Variants in MOV10 observed in about 807,000 individuals in gnomAD.
MOV10 encodes RNA helicase MOV-10.
Under a neutral mutation model 108.4 loss-of-function variants are expected in MOV10, and 39 were observed. The observed-to-expected ratio is 0.36, with a 90% CI of 0.28 to 0.47. MOV10 has a LOEUF of 0.47. Ranked by LOEUF, MOV10 falls within the 20% of genes least tolerant of loss-of-function variation. The probability of loss-of-function intolerance (pLI) is 1.00; values close to 1 mark genes in which losing one functional copy is unlikely to be tolerated. For missense variants in MOV10, 952 were observed against 1,297.6 expected (o/e 0.73, Z 4.09); for synonymous variants, 490 against 523.1 (o/e 0.94, Z 0.86).
At chr1:112,697,843 G>A in intron 14 of MOV10, 151 bp from the exon 15 acceptor site, 1 of 686,764 alleles carries the variant, frequency 1.5e-6, no homozygotes, top group East Asian at 2.5e-5. Flanking sequence ...ACAGTGCCTG[G>A]CAGCAGATAT....
At position 112,695,457 on chromosome 1, in the gene MOV10, T is replaced by G. The variant is rs1389852086; in HGVS notation, c.1662T>G (p.Ala554=). 6.2e-7 allele frequency: 1 copy of G among 1,614,148 alleles called. No individual in the cohort carries two copies. ...HLPKAHILAC[A]PSNSGADLLC... ...CCAAAGCCCACATCTTGGCCTGCGC[T>G]CCATCCAACTCAGGGGCTGACCTAC... Residue 554 remains alanine, a synonymous_variant, in exon 11 of 21, where the codon GCT becomes GCG. Coordinates refer to ENST00000369645, the MANE Select transcript of MOV10 (RefSeq NM_001321324.2).
chr1:112,693,124 A>G (rs1673734214), intron 7 of MOV10, among the ~76,000 whole-genome samples, 195 bp downstream of exon 7: 2 of 152,242 alleles, frequency 1.3e-5, no homozygotes, highest in South Asian at 4.1e-4. Context: ...TCTGGGTTCT[A>G]GTCCAGGCTT....
intron 17 of MOV10, chr1:112,699,100 C>A (rs1431260595): frequency 5.5e-6 from 2 of 365,994 alleles, no homozygotes; most frequent in Non-Finnish European, 5.0e-6. Flanking sequence ...CCCCCACCCC[C>A]AGTAGCCTCT....
intron 1 of MOV10, 21 bp from the exon 2 acceptor site, chr1:112,674,827 C>A (rs559189979): frequency 1.4e-6 from 2 of 1,423,154 alleles, no homozygotes; most frequent in South Asian, 1.4e-5. Flanking sequence ...GCACCCTCAT[C>A]TCAGGGCCGC....
intron 5 of MOV10, 32 bp from the exon 6 acceptor site, chr1:112,691,633 G>A: frequency 6.2e-7 from 1 of 1,606,828 alleles, no homozygotes; most frequent in Non-Finnish European, 8.5e-7. Context: ...AGGGTGAGGG[G>A]TTTTCTGTGT....
intron 6 of MOV10, 75 bp downstream of exon 6, chr1:112,691,874 C>T: frequency 6.7e-7 from 1 of 1,497,392 alleles, no homozygotes; most frequent in South Asian, 1.2e-5. Context: ...CCTGGCACCT[C>T]CGTCCTCAGC....
chr1:112,699,578 A>T (rs1196317619), intron 17 of MOV10, 107 bp from the exon 18 acceptor site: 5 of 1,545,476 alleles, frequency 3.2e-6, no homozygotes, highest in Non-Finnish European at 4.4e-6. Context: ...CTGATCTACA[A>T]TTGCCCAGTG....
At chr1:112,698,225 G>A in intron 15 of MOV10, 62 bp from the exon 16 acceptor site, 2 of 1,600,404 alleles carry the variant, frequency 1.2e-6, no homozygotes, top group South Asian at 1.1e-5. Context: ...GGAAGGGTTT[G>A]GGAAGGGAGG....
intron 11 of MOV10, among the ~76,000 whole-genome samples, chr1:112,695,902 T>A (rs952460013): frequency 2.0e-5 from 3 of 151,358 alleles, no homozygotes; most frequent in Admixed American, 6.6e-5. Flanking sequence ...ATCAGCTGAG[T>A]ATGGTGGCGC....
At chr1:112,695,882 A>G (rs1194839498) in intron 11 of MOV10, among the ~76,000 whole-genome samples, 69 of 152,136 alleles carry the variant, frequency 4.5e-4, no homozygotes, top group Non-Finnish European at 7.3e-5. Flanking sequence ...TCTACTAAAA[A>G]TACAAAAAAA....
chr1:112,695,311 G>A, intron 10 of MOV10, 105 bp from the exon 11 acceptor site: 1 of 1,174,742 alleles, frequency 8.5e-7, no homozygotes, highest in East Asian at 2.4e-5. Context: ...ATGAATCTTG[G>A]AGTCACCATT....
Position 112,700,513 on chromosome 1 carries a change from C to A in MOV10, c.*6C>A, listed in dbSNP as rs201856946. 95 of 1,612,252 alleles carry A rather than the reference C, an allele frequency of 5.9e-5. No individual in the cohort carries two copies. Among genetic ancestry groups the A allele is most frequent in the Non-Finnish European group, 7.9e-5 (93 of 1,179,040 alleles). ...AGTGGAGGAATGAGCTCTGAAGACA[C>A]AGCACCCAGCCTTCTCGCACCAGCC... is the stretch of plus-strand genomic sequence containing the variant. On this transcript the variant is annotated 3_prime_UTR_variant, in exon 21 of 21. Transcript: ENST00000369645.
At chr1:112,678,444 G>C (rs1420655295) in intron 2 of MOV10, among the ~76,000 whole-genome samples, 1 of 152,054 alleles carries the variant, frequency 6.6e-6, no homozygotes, top group Non-Finnish European at 1.5e-5. Context: ...TAAGGAAGGA[G>C]GCAGCAGTTA....
Position 112,694,903 on chromosome 1 carries a change from T to A in MOV10, c.1620+7T>A. On this transcript the variant is annotated splice_region_variant and intron_variant, in intron 10 of 20. Transcript: ENST00000369645. The surrounding 1 kb of genome is among the most constrained non-coding windows in gnomAD (Gnocchi z 4.1). ...AGTGGAGGCAATTAAGCAGGTGGGGTCTGAGCACAAACCTGGGGCCTGCAC... is the reference window on the plus strand; with the variant it reads ...AGTGGAGGCAATTAAGCAGGTGGGGACTGAGCACAAACCTGGGGCCTGCAC... 6.2e-7 allele frequency: 1 copy of A among 1,613,228 alleles called. No individual in the cohort carries two copies. The highest frequency in any genetic ancestry group is 2.2e-5 in the East Asian group (1 of 44,844).
At position 112,689,408 on chromosome 1, in the gene MOV10, TC is replaced by T; in HGVS notation, c.342-3del. The T allele has an allele frequency of 1.3e-6, 1 of 764,002 alleles. No homozygotes were observed. Among genetic ancestry groups the T allele is most frequent in the Non-Finnish European group, 2.1e-6 (1 of 474,266 alleles). 47.3% of individuals were successfully genotyped at this position (764,002 alleles called of 1,614,324 possible). A position where few individuals can be genotyped will look rare whatever the true frequency, so the allele number is the denominator to read the frequency against. On this transcript the variant is annotated splice_polypyrimidine_tract_variant and splice_region_variant and intron_variant, in intron 3 of 20. Transcript: ENST00000369645. Reference sequence around the variant, plus strand: ...CCCAACCCCCCCTTGACTCCCCTTCTCCCCAGGGCTGAGTATCTTCATGGGA... The same window carrying T: ...CCCAACCCCCCCTTGACTCCCCTTCTCCCAGGGCTGAGTATCTTCATGGGA...
chr1:112,698,444 G>T lies in MOV10; in HGVS notation c.2474G>T (p.Arg825Leu). The T allele has an allele frequency of 1.2e-6, 2 of 1,614,118 alleles. No individual in the cohort carries two copies. Among genetic ancestry groups the T allele is most frequent in the Non-Finnish European group, 1.7e-6 (2 of 1,180,010 alleles). Residue 825 changes from arginine to leucine, a missense_variant, in exon 16 of 21, where the codon CGA (arginine) becomes CTA (leucine). Around this residue, in one of 5 missense-constraint regions of MOV10, gnomAD observed 453 missense variants for 611.5 expected, o/e 0.74. Coordinates refer to ENST00000369645, the MANE Select transcript of MOV10 (RefSeq NM_001321324.2). ...AAGGGCAAAGCTCGCCTGAGCCCTC[G>T]AAGTGTGGGCGTCATCTCCCCGTAC... Reference protein sequence around the residue: ...SKKGKARLSPRSVGVISPYRK... With the variant: ...SKKGKARLSPLSVGVISPYRK...
At chr1:112,686,997 T>A (rs1299283504) in intron 2 of MOV10, 3 of 456,512 alleles carry the variant, frequency 6.6e-6, no homozygotes, top group South Asian at 4.6e-5. Flanking sequence ...CCTCCAATCC[T>A]GATGCCAGAG....
chr1:112,691,598 C>G, intron 5 of MOV10, 67 bp from the exon 6 acceptor site: 2 of 1,574,124 alleles, frequency 1.3e-6, no homozygotes, highest in Non-Finnish European at 1.7e-6. Flanking sequence ...GCATCCACCC[C>G]AGAGGGGCGT....
chr1:112,696,892 A>G, intron 14 of MOV10, 46 bp downstream of exon 14: 1 of 1,472,218 alleles, frequency 6.8e-7, no homozygotes, highest in Non-Finnish European at 9.3e-7. Flanking sequence ...ATGCTTTCAC[A>G]TCCTGCATGC....
Sources: allele counts gnomAD v4.1 joint callset (sites outside exome capture counted in the v4.1 genomes callset), GRCh38; gene constraint gnomAD v4.1.1; regional missense constraint gnomAD v4.1.1; non-coding constraint Gnocchi (gnomAD v3.1); transcripts MANE v1.5; gene names NCBI Gene and HGNC (gene_info 2026-07-23, HGNC 2026-07-21).